RPS6KC1: variants seen among roughly 807,000 people sequenced by gnomAD.
RPS6KC1 encodes the protein ribosomal protein S6 kinase C1.
Under a neutral mutation model 103.8 loss-of-function variants are expected in RPS6KC1, and 54 were observed. That is an observed-to-expected ratio of 0.52 (90% CI 0.42 to 0.65). The LOEUF (loss-of-function observed/expected upper bound fraction) is 0.65. RPS6KC1 is among the 30% of genes least tolerant of loss of function. The probability of loss-of-function intolerance (pLI) is 0.00; values close to 1 mark genes in which losing one functional copy is unlikely to be tolerated. For synonymous variants in RPS6KC1, 439 were observed against 438.7 expected, an observed-to-expected ratio of 1.00 and a Z score of -0.01; for missense variants, 1,151 against 1,253.8, an observed-to-expected ratio of 0.92 and a Z score of 1.24.
At chr1:213,208,647 C>A (rs944937035) in intron 8 of RPS6KC1, among the ~76,000 whole-genome samples, 5 of 152,044 alleles carry the variant, frequency 3.3e-5, no homozygotes, top group African/African-American at 1.2e-4. Context: ...TAGTTTAAGA[C>A]CAGCATCATT....
At chr1:213,134,657 C>A (rs2086056789) in intron 6 of RPS6KC1, among the ~76,000 whole-genome samples, 1 of 151,960 alleles carries the variant, frequency 6.6e-6, no homozygotes, top group South Asian at 2.1e-4. Flanking sequence ...GGAGCTTGGA[C>A]CATTGATTTA....
chr1:213,712,033 T>C, the RPS6KC1 span, among the ~76,000 whole-genome samples: 1 of 152,170 alleles, frequency 6.6e-6, no homozygotes, highest in African/African-American at 2.4e-5. Flanking sequence ...TTAGCAGAGC[T>C]CAAGCGCTGT....
chr1:213,716,860 A>G, the RPS6KC1 span, among the ~76,000 whole-genome samples: 3 of 152,214 alleles, frequency 2.0e-5, no homozygotes, highest in African/African-American at 4.8e-5. Context: ...TAACATCCCT[A>G]TGAAAAATAC....
At chr1:213,403,846 T>C in the RPS6KC1 span, among the ~76,000 whole-genome samples, 1 of 151,712 alleles carries the variant, frequency 6.6e-6, no homozygotes, top group Non-Finnish European at 1.5e-5. Context: ...CATGTATGGG[T>C]GAGGCCTGCC....
the RPS6KC1 span, among the ~76,000 whole-genome samples, chr1:213,704,110 G>T: frequency 6.6e-6 from 1 of 151,914 alleles, no homozygotes; most frequent in African/African-American, 2.4e-5. Flanking sequence ...GATGTAGGCC[G>T]GGCGCGGTGG....
At chr1:213,782,569 G>A in the RPS6KC1 span, among the ~76,000 whole-genome samples, 1,231 of 152,176 alleles carry the variant, frequency 8.1e-3, 24 homozygotes, top group African/African-American at 0.028. Context: ...GTAAAAAAAG[G>A]CTAGCCAAAC....
At chr1:213,680,438 A>T in the RPS6KC1 span, among the ~76,000 whole-genome samples, 1 of 152,174 alleles carries the variant, frequency 6.6e-6, no homozygotes, top group Admixed American at 6.5e-5. Context: ...CATGATGAGC[A>T]GGTGAGCTGA....
intron 6 of RPS6KC1, among the ~76,000 whole-genome samples, chr1:213,148,189 T>C (rs113445647): frequency 0.01 from 1,547 of 152,342 alleles, 30 homozygotes; most frequent in African/African-American, 0.035. Context: ...TTTATATCTT[T>C]CTGTTGTCTG....
chr1:213,723,294 T>C, the RPS6KC1 span, among the ~76,000 whole-genome samples: 1 of 152,204 alleles, frequency 6.6e-6, no homozygotes, highest in Admixed American at 6.5e-5. Flanking sequence ...TCAGTGACTG[T>C]ATTTGTTTGC....
the RPS6KC1 span, among the ~76,000 whole-genome samples, chr1:213,552,570 A>G: frequency 1.6e-4 from 24 of 152,128 alleles, no homozygotes; most frequent in African/African-American, 4.1e-4. Context: ...GAGTTTGAAG[A>G]GTTGTTTGTA....
At chr1:213,493,720 C>T in the RPS6KC1 span, among the ~76,000 whole-genome samples, 1 of 152,190 alleles carries the variant, frequency 6.6e-6, no homozygotes, top group African/African-American at 2.4e-5. Context: ...GTCAGAGCTG[C>T]CCTGCCAATA....
chr1:213,710,332 TG>T, the RPS6KC1 span, among the ~76,000 whole-genome samples: 2 of 152,138 alleles, frequency 1.3e-5, no homozygotes, highest in African/African-American at 4.8e-5. Context: ...AGCCTAGGAT[TG>T]CAGCCCCTGC....
the RPS6KC1 span, among the ~76,000 whole-genome samples, chr1:213,695,280 A>C: frequency 6.6e-6 from 1 of 152,248 alleles, no homozygotes; most frequent in Non-Finnish European, 1.5e-5. Context: ...ATGATGCCTT[A>C]GAAATGTCTT....
the RPS6KC1 span, among the ~76,000 whole-genome samples, chr1:213,513,537 C>T: frequency 1.3e-5 from 2 of 152,254 alleles, no homozygotes; most frequent in Middle Eastern, 3.4e-3. Context: ...GACTCTACAA[C>T]AATTTTTGGA....
chr1:213,756,309 C>T, the RPS6KC1 span, among the ~76,000 whole-genome samples: 7 of 152,120 alleles, frequency 4.6e-5, no homozygotes, highest in Non-Finnish European at 1.0e-4. Flanking sequence ...AAGCAAGTTC[C>T]GGGAGACTGG....
chr1:213,545,395 T>TAAATAAAG, the RPS6KC1 span, among the ~76,000 whole-genome samples: 1 of 86,976 alleles, frequency 1.1e-5, no homozygotes, highest in Non-Finnish European at 2.5e-5. Flanking sequence ...AATAAATAAA[T>TAAATAAAG]AAATAAATAA....
At chr1:213,057,138 A>G (rs976615945) in intron 1 of RPS6KC1, among the ~76,000 whole-genome samples, 4 of 151,874 alleles carry the variant, frequency 2.6e-5, no homozygotes, top group African/African-American at 9.7e-5. Flanking sequence ...ACGGGGTTTC[A>G]CCATGTTGCC....
the RPS6KC1 span, among the ~76,000 whole-genome samples, chr1:213,692,477 C>T: frequency 6.6e-6 from 1 of 151,926 alleles, no homozygotes; most frequent in African/African-American, 2.4e-5. Context: ...TTGAGAGATT[C>T]AAGCGTATGG....
the RPS6KC1 span, among the ~76,000 whole-genome samples, chr1:213,352,247 G>A: frequency 6.6e-6 from 1 of 152,164 alleles, no homozygotes; most frequent in Non-Finnish European, 1.5e-5. Flanking sequence ...TGGAAGTGGT[G>A]TAAAAGGTGC....
Sources: allele counts gnomAD v4.1 joint callset (sites outside exome capture counted in the v4.1 genomes callset), GRCh38; gene constraint gnomAD v4.1.1; transcripts MANE v1.5; gene names NCBI Gene and HGNC (gene_info 2026-07-23, HGNC 2026-07-21).